The following MIB1 variants were observed in gnomAD, a reference collection of about 807,000 sequenced individuals.
MIB1 encodes the protein E3 ubiquitin-protein ligase MIB1.
MIB1 carries 278 observed loss-of-function variants against 124.5 expected under a neutral mutation model. The ratio of observed to expected loss-of-function variants is 2.23; its 90% CI spans 2.02 to 2.47. The LOEUF is 2.47. MIB1 is among the 30% of genes most tolerant of loss of function. MIB1 has a pLI of 0.00. For missense variants in MIB1, 957 were observed against 1,254.4 expected, an observed-to-expected ratio of 0.76 and a Z score of 3.58; for synonymous variants, 446 against 429.4, an observed-to-expected ratio of 1.04 and a Z score of -0.48.
chr18:21,806,530 AAAAC>A (rs1308068874), intron 10 of MIB1, among the ~76,000 whole-genome samples: 4 of 152,054 alleles, frequency 2.6e-5, no homozygotes, highest in Non-Finnish European at 5.9e-5. Flanking sequence ...ACTCAAATAC[AAAAC>A]AAACAGTTAG....
rs1419995952 is a variant in MIB1, at chr18:21,741,434, GC to G, written c.-145del. The G allele has an allele frequency of 2.9e-6, 1 of 348,496 alleles. No individual in the cohort carries two copies. The highest frequency in any genetic ancestry group is 2.2e-5 in the African/African-American group (1 of 45,964). 21.6% of individuals were successfully genotyped at this position (348,496 alleles called of 1,614,324 possible). On this transcript the variant is annotated 5_prime_UTR_variant, in exon 1 of 21. Coordinates refer to ENST00000261537, the MANE Select transcript of MIB1 (RefSeq NM_020774.4). The surrounding 1 kb of genome is among the most constrained non-coding windows in gnomAD (Gnocchi z 5.4). The stretch of plus-strand genomic sequence containing the variant: ...TGGGCTCCGCGGGGACCGCGCCGCC[GC>G]CCCCGTGAGTTATTCTCACGTCCCC...
chr18:21,822,557 G>T (rs551284404), intron 12 of MIB1, among the ~76,000 whole-genome samples: 2 of 152,294 alleles, frequency 1.3e-5, no homozygotes, highest in South Asian at 4.1e-4. Context: ...TTTTTAGGTA[G>T]TTGTGACTAT....
intron 12 of MIB1, among the ~76,000 whole-genome samples, chr18:21,824,275 C>G (rs2041905462): frequency 6.6e-6 from 1 of 152,146 alleles, no homozygotes; most frequent in Non-Finnish European, 1.5e-5. Flanking sequence ...CTAATTCCCA[C>G]AAAGACACAT....
Position 21,779,645 on chromosome 18 carries a change from G to A in MIB1, c.868G>A (p.Glu290Lys), listed in dbSNP as rs2146426170. 1 of 1,614,134 alleles carries A rather than the reference G, an allele frequency of 6.2e-7. No individual in the cohort carries two copies. The highest frequency in any genetic ancestry group is 8.5e-7 in the Non-Finnish European group (1 of 1,179,982). ...AACTGGAACTGTTTGTGGCATTGAT[G>A]AAGATCATGACATTGTAGTACAGTA... Reference protein sequence around the residue: ...TTTGTVCGIDEDHDIVVQYPS... With the variant: ...TTTGTVCGIDKDHDIVVQYPS... Residue 290 changes from glutamate (E) to lysine (K), a missense_variant, in exon 6 of 21, where the codon GAA becomes AAA. Coordinates refer to ENST00000261537, the MANE Select transcript of MIB1 (RefSeq NM_020774.4).
intron 6 of MIB1, among the ~76,000 whole-genome samples, chr18:21,789,048 T>A (rs2041471205): frequency 6.6e-6 from 1 of 152,182 alleles, no homozygotes; most frequent in South Asian, 2.1e-4. Flanking sequence ...CTAGGGCTGC[T>A]ATAACAAATT....
chr18:21,829,747 T>G (rs1258866937), intron 12 of MIB1, among the ~76,000 whole-genome samples: 1 of 152,112 alleles, frequency 6.6e-6, no homozygotes, highest in East Asian at 1.9e-4. Context: ...CTCTTTGGGT[T>G]AAATACAAAT....
intron 1 of MIB1, among the ~76,000 whole-genome samples, chr18:21,705,847 A>T (rs184018119): frequency 1.3e-5 from 2 of 152,248 alleles, no homozygotes; most frequent in Admixed American, 1.3e-4. Flanking sequence ...TAGCGTAACA[A>T]TTTCTACTTT....
chr18:21,735,216 G>A (rs906411325), intron 1 of MIB1, among the ~76,000 whole-genome samples: 5 of 152,214 alleles, frequency 3.3e-5, no homozygotes, highest in African/African-American at 9.7e-5. Context: ...TGGTTGGACA[G>A]TGGGTGCAGC....
At chr18:21,708,688 C>T (rs1261545303) in intron 1 of MIB1, among the ~76,000 whole-genome samples, 2 of 152,034 alleles carry the variant, frequency 1.3e-5, no homozygotes, top group African/African-American at 4.8e-5. Flanking sequence ...CTGTTATTCC[C>T]AATTTATACA....
intron 13 of MIB1, among the ~76,000 whole-genome samples, chr18:21,839,335 T>A (rs2042061499): frequency 6.6e-6 from 1 of 152,244 alleles, no homozygotes; most frequent in Non-Finnish European, 1.5e-5. Flanking sequence ...TGCTCTCTGT[T>A]AATTATGATA....
At chr18:21,731,435 C>A (rs2040769172) in intron 1 of MIB1, among the ~76,000 whole-genome samples, 1 of 152,112 alleles carries the variant, frequency 6.6e-6, no homozygotes, top group Admixed American at 6.5e-5. Flanking sequence ...CAGTTTTCAA[C>A]TACTACAAAT....
At chr18:21,802,686 G>T (rs918845582) in intron 9 of MIB1, among the ~76,000 whole-genome samples, 6 of 151,998 alleles carry the variant, frequency 3.9e-5, no homozygotes, top group Non-Finnish European at 8.8e-5. Flanking sequence ...GGTAATCCTT[G>T]GTTGTTTGTT....
At chr18:21,739,923 CAAAA>C (rs879507919), upstream of MIB1, among the ~76,000 whole-genome samples, 1 of 119,362 alleles carries the variant, frequency 8.4e-6, no homozygotes, top group Non-Finnish European at 1.8e-5. Context: ...AAAAACAAAG[CAAAA>C]AAAAAAACAA....
intron 3 of MIB1, among the ~76,000 whole-genome samples, chr18:21,772,974 A>G (rs1035788742): frequency 6.6e-6 from 1 of 152,176 alleles, no homozygotes; most frequent in East Asian, 1.9e-4. Context: ...TTAAAAGAAT[A>G]TACTGTTCTT....
At chr18:21,793,447 T>A (rs1024496267) in intron 7 of MIB1, among the ~76,000 whole-genome samples, 1 of 151,854 alleles carries the variant, frequency 6.6e-6, no homozygotes, top group African/African-American at 2.4e-5. Context: ...CAGTTATTAT[T>A]GAAAAAAGGG....
intron 1 of MIB1, among the ~76,000 whole-genome samples, chr18:21,723,351 A>C (rs2040723386): frequency 6.6e-6 from 1 of 152,044 alleles, no homozygotes; most frequent in Non-Finnish European, 1.5e-5. Flanking sequence ...CATGTCACCA[A>C]GGATCCCTGG....
At position 21,704,995 on chromosome 18, in the gene MIB1, A is replaced by G. The variant is rs910541471; in HGVS notation, n.39A>G. On this transcript the variant is annotated non_coding_transcript_exon_variant, in exon 1 of 21. Transcript: ENST00000578646. ...AGCTAGGTCGCAGTGGGCGATGGGG[A>G]TCCCCAAGGGTGGGCCGAGAGCTGA... 3 of 203,552 alleles carry G rather than the reference A, an allele frequency of 1.5e-5. No individual in the cohort carries two copies. The Admixed American group carries it at 1.8e-4, about 12-fold the overall frequency. The allele number at this position is 203,552 out of a possible 1,614,324, so 12.6% of individuals were successfully genotyped here.
At chr18:21,804,894 TA>T (rs1370105199) in intron 10 of MIB1, among the ~76,000 whole-genome samples, 4 of 152,166 alleles carry the variant, frequency 2.6e-5, no homozygotes, top group Non-Finnish European at 5.9e-5. Flanking sequence ...CTTTTTTCTC[TA>T]ATTGTATGTA....
chr18:21,780,932 T>C (rs759859089), intron 6 of MIB1, among the ~76,000 whole-genome samples: 20 of 152,202 alleles, frequency 1.3e-4, no homozygotes, highest in Non-Finnish European at 1.5e-4. Context: ...GTTCTGTTTT[T>C]AGTTTTTTGA....
Sources: allele counts gnomAD v4.1 joint callset (sites outside exome capture counted in the v4.1 genomes callset), GRCh38; gene constraint gnomAD v4.1.1; non-coding constraint Gnocchi (gnomAD v3.1); transcripts MANE v1.5; gene names NCBI Gene and HGNC (gene_info 2026-07-23, HGNC 2026-07-21).